DNM3: variants seen among roughly 807,000 people sequenced by gnomAD.
DNM3 encodes the protein dynamin 3, also known as dynamin-3.
DNM3 carries 47 observed loss-of-function variants against 101.6 expected under a neutral mutation model. The ratio of observed to expected loss-of-function variants is 0.46; its 90% CI spans 0.37 to 0.59. DNM3 has a LOEUF of 0.59. DNM3 is among the 20% of genes least tolerant of loss of function. The probability of loss-of-function intolerance (pLI) is 0.00; values close to 1 mark genes in which losing one functional copy is unlikely to be tolerated. For synonymous variants in DNM3, 385 were observed against 387.9 expected, an observed-to-expected ratio of 0.99 and a Z score of 0.09; for missense variants, 849 against 1,085.7, an observed-to-expected ratio of 0.78 and a Z score of 3.06.
rs1377424968 is a variant in DNM3 at position 171,989,053 on chromosome 1, C to T, written c.494C>T (p.Thr165Met). The change falls in exon 4 of 21, where the codon ACG becomes ATG. Residue 165 changes from threonine (T) to methionine (M), a missense_variant. Physicochemically the swap from Thr to Met is moderately conservative, Grantham distance 81. Around this residue, in one of 5 missense-constraint regions of DNM3, gnomAD observed 388 missense variants for 483.0 expected, o/e 0.80. Transcript: ENST00000627582. Reference sequence around the variant, plus strand: ...AGAGAAATGATTATGCAGTTCATCACGAGGGAGAACTGTCTGATTTTAGCT... The same window carrying T: ...AGAGAAATGATTATGCAGTTCATCATGAGGGAGAACTGTCTGATTTTAGCT... ...QIREMIMQFI[T>M]RENCLILAVT... The T allele has an allele frequency of 1.2e-5, 20 of 1,612,528 alleles. No individual in the cohort carries two copies. The highest frequency in any genetic ancestry group is 1.6e-5 in the Non-Finnish European group (19 of 1,179,294).
intron 17 of DNM3, among the ~76,000 whole-genome samples, chr1:172,352,366 T>G (rs2067238334): frequency 6.6e-6 from 1 of 152,132 alleles, no homozygotes; most frequent in Non-Finnish European, 1.5e-5. Flanking sequence ...TTTTTTCTTT[T>G]TATATGAGTG....
At chr1:171,864,112 T>C (rs2034467113) in intron 1 of DNM3, 1 of 152,186 alleles carries the variant, frequency 6.6e-6, no homozygotes, top group Non-Finnish European at 1.5e-5. Flanking sequence ...TACTCGTCAA[T>C]AAATGATAGT....
At chr1:171,939,279 T>C (rs2041660238) in intron 2 of DNM3, among the ~76,000 whole-genome samples, 1 of 152,238 alleles carries the variant, frequency 6.6e-6, no homozygotes, top group Non-Finnish European at 1.5e-5. Flanking sequence ...GGGAAATTAC[T>C]AAATCAAAGG....
At chr1:172,133,685 G>A (rs1232682835) in intron 14 of DNM3, among the ~76,000 whole-genome samples, 13 of 152,090 alleles carry the variant, frequency 8.5e-5, no homozygotes, top group Admixed American at 8.5e-4. Flanking sequence ...ATAGGGGAGG[G>A]GTCTTTAGAT....
intron 2 of DNM3, among the ~76,000 whole-genome samples, chr1:171,933,692 A>G (rs1427819982): frequency 6.6e-6 from 1 of 152,080 alleles, no homozygotes; most frequent in Admixed American, 6.6e-5. Flanking sequence ...CTGATTGGGG[A>G]GGGTCTTGTG....
At chr1:172,003,201 G>A (rs899147456) in intron 4 of DNM3, among the ~76,000 whole-genome samples, 2 of 151,792 alleles carry the variant, frequency 1.3e-5, no homozygotes, top group Admixed American at 6.6e-5. Context: ...TAATAATGAT[G>A]ACTTTAGTGT....
intron 13 of DNM3, chr1:172,093,726 G>T: frequency 6.2e-7 from 1 of 1,607,902 alleles, no homozygotes; most frequent in Non-Finnish European, 8.5e-7. Context: ...AAGGCAAATT[G>T]TACGAGCTAA....
intron 14 of DNM3, among the ~76,000 whole-genome samples, chr1:172,177,484 C>T (rs2059195097): frequency 6.6e-6 from 1 of 151,798 alleles, no homozygotes; most frequent in African/African-American, 2.4e-5. Context: ...AATGTATCCC[C>T]TACACATAAG....
chr1:172,257,299 G>T (rs922054718), intron 15 of DNM3, among the ~76,000 whole-genome samples: 1 of 151,960 alleles, frequency 6.6e-6, no homozygotes, highest in African/African-American at 2.4e-5. Flanking sequence ...TCTAGAAAGG[G>T]GAACAGGCGG....
intron 17 of DNM3, among the ~76,000 whole-genome samples, chr1:172,340,390 A>G (rs1017408229): frequency 6.6e-6 from 1 of 152,098 alleles, no homozygotes; most frequent in Admixed American, 6.5e-5. Flanking sequence ...GAGAAGCACT[A>G]CTTGGTCCGC....
At chr1:171,946,776 G>T (rs921356429) in intron 2 of DNM3, among the ~76,000 whole-genome samples, 3 of 152,260 alleles carry the variant, frequency 2.0e-5, no homozygotes, top group Admixed American at 2.0e-4. Flanking sequence ...GAAAATGAAG[G>T]GGAGCCAGCA....
intron 17 of DNM3, among the ~76,000 whole-genome samples, chr1:172,354,263 C>T (rs966297902): frequency 1.6e-4 from 24 of 152,080 alleles, no homozygotes; most frequent in African/African-American, 5.1e-4. Context: ...CACGCAGACA[C>T]TCTGAAGGAT....
At chr1:172,161,673 A>C (rs1427468503) in intron 14 of DNM3, among the ~76,000 whole-genome samples, 1 of 151,968 alleles carries the variant, frequency 6.6e-6, no homozygotes, top group Non-Finnish European at 1.5e-5. Context: ...CTTTATGGGA[A>C]AAGGTGTTGT....
intron 17 of DNM3, among the ~76,000 whole-genome samples, chr1:172,367,249 T>C (rs1190660810): frequency 6.6e-6 from 1 of 151,700 alleles, no homozygotes; most frequent in Non-Finnish European, 1.5e-5. Flanking sequence ...ATACTATACC[T>C]ACAAAATCTA....
chr1:172,236,022 C>T (rs2061530941), intron 14 of DNM3, among the ~76,000 whole-genome samples: 1 of 152,062 alleles, frequency 6.6e-6, no homozygotes, highest in Admixed American at 6.6e-5. Flanking sequence ...ACATTGTTAG[C>T]TATTGGGGCC....
At chr1:172,340,339 C>T (rs535036935) in intron 17 of DNM3, among the ~76,000 whole-genome samples, 116 of 152,224 alleles carry the variant, frequency 7.6e-4, no homozygotes, top group East Asian at 3.9e-4. Context: ...GAAGCAGCAC[C>T]GCTCTGTCCC....
chr1:172,374,682 T>C (rs773621277), intron 17 of DNM3, among the ~76,000 whole-genome samples: 30 of 152,108 alleles, frequency 2.0e-4, no homozygotes, highest in Admixed American at 2.0e-4. Context: ...TTTTGCTATG[T>C]AGTTTATTAT....
At chr1:172,098,384 GCAGT>G (rs1375243172) in intron 13 of DNM3, among the ~76,000 whole-genome samples, 1 of 152,204 alleles carries the variant, frequency 6.6e-6, no homozygotes, top group Non-Finnish European at 1.5e-5. Context: ...TGGCTCACTG[GCAGT>G]CAGAGTTTAA....
chr1:172,211,892 G>A (rs2060526745), intron 14 of DNM3, among the ~76,000 whole-genome samples: 1 of 152,138 alleles, frequency 6.6e-6, no homozygotes, highest in Non-Finnish European at 1.5e-5. Context: ...AGTTTTGTGA[G>A]TGTGTCTGTC....
Sources: allele counts gnomAD v4.1 joint callset (sites outside exome capture counted in the v4.1 genomes callset), GRCh38; gene constraint gnomAD v4.1.1; regional missense constraint gnomAD v4.1.1; transcripts MANE v1.5; gene names NCBI Gene and HGNC (gene_info 2026-07-23, HGNC 2026-07-21).